Variants in ANO6 observed in about 807,000 individuals in gnomAD.
The protein encoded by ANO6 is anoctamin 6, also known as anoctamin-6.
A neutral mutation model predicts 117.5 loss-of-function variants in ANO6; 106 were observed. The observed-to-expected ratio is 0.90, with a 90% CI of 0.77 to 1.06. The LOEUF (loss-of-function observed/expected upper bound fraction) is 1.06. ANO6 is among the 50% of genes least tolerant of loss of function. ANO6 has a pLI of 0.00. For missense variants in ANO6, 955 were observed against 1,121.1 expected (o/e 0.85, Z 2.12); for synonymous variants, 367 against 385.1 (o/e 0.95, Z 0.55).
At chr12:45,312,650 T>G (rs1939884405) in intron 2 of ANO6, among the ~76,000 whole-genome samples, 4 of 152,100 alleles carry the variant, frequency 2.6e-5, no homozygotes, top group Admixed American at 2.6e-4. Context: ...ATTCCTCAAG[T>G]ATGTCTCTAG....
Position 45,367,674 on chromosome 12 carries a change from TTC to T in ANO6, c.999-8_999-7del, listed in dbSNP as rs768402243. 2 of 1,605,232 alleles carry T rather than the reference TTC, an allele frequency of 1.2e-6. No individual in the cohort carries two copies. The highest frequency in any genetic ancestry group is 1.1e-5 in the South Asian group (1 of 90,538). ...TAAATTTTTTAAAATTAAGTTTTAT[TTC>T]TCTCTTTTTAGCAAAGAAGTTTGTC... On this transcript the variant is annotated splice_polypyrimidine_tract_variant and intron_variant, in intron 8 of 19. Transcript: ENST00000320560.
intron 15 of ANO6, among the ~76,000 whole-genome samples, chr12:45,406,981 A>G (rs1942951272): frequency 6.6e-6 from 1 of 152,194 alleles, no homozygotes; most frequent in Non-Finnish European, 1.5e-5. Flanking sequence ...ATTCCTATGG[A>G]AATTATTTTG....
chr12:45,393,869 C>G (rs754068382), intron 12 of ANO6, among the ~76,000 whole-genome samples: 1 of 152,186 alleles, frequency 6.6e-6, no homozygotes, highest in Non-Finnish European at 1.5e-5. Context: ...AAGGAACAAC[C>G]GGTACCAGCC....
At chr12:45,317,243 G>A (rs900160652) in intron 2 of ANO6, among the ~76,000 whole-genome samples, 3 of 147,340 alleles carry the variant, frequency 2.0e-5, no homozygotes, top group African/African-American at 7.5e-5. Context: ...TTTATATTAG[G>A]TGTATCTCCT....
intron 2 of ANO6, among the ~76,000 whole-genome samples, chr12:45,303,235 T>G (rs1254008022): frequency 6.6e-6 from 1 of 152,238 alleles, no homozygotes; most frequent in African/African-American, 2.4e-5. Context: ...ATGACTTCCC[T>G]ATTATATTCA....
chr12:45,245,515 T>C (rs987588315), intron 1 of ANO6, among the ~76,000 whole-genome samples: 1 of 151,892 alleles, frequency 6.6e-6, no homozygotes. Flanking sequence ...ATGTATTTGC[T>C]TGCCTGAATC....
intron 3 of ANO6, among the ~76,000 whole-genome samples, chr12:45,341,682 T>G (rs572033207): frequency 6.6e-6 from 1 of 152,230 alleles, no homozygotes; most frequent in South Asian, 2.1e-4. Flanking sequence ...GGAGTCTAGG[T>G]GACTCTCATA....
At chr12:45,304,873 G>A (rs1183870531) in intron 2 of ANO6, among the ~76,000 whole-genome samples, 1 of 152,192 alleles carries the variant, frequency 6.6e-6, no homozygotes, top group Non-Finnish European at 1.5e-5. Flanking sequence ...GCTGTATAGT[G>A]TGCATATATC....
rs892607206 is a variant in ANO6, at chr12:45,410,079, C to G, written c.2011+592C>G. 2.0e-5 allele frequency among the ~76,000 whole-genome samples: 3 copies of G among 152,304 alleles called. No individual in the cohort carries two copies. The South Asian group carries it at 6.2e-4, about 32-fold the overall frequency. ...CCATCTTTACCACGAATTCTTAAAG[C>G]ATTCTAATCATGTTGTCTGAGAATG... On this transcript the variant is annotated intron_variant, in intron 16 of 19. Coordinates refer to ENST00000320560, the MANE Select transcript of ANO6 (RefSeq NM_001025356.3).
intron 7 of ANO6, among the ~76,000 whole-genome samples, chr12:45,351,543 CAG>C (rs1941280471): frequency 1.3e-5 from 2 of 152,166 alleles, no homozygotes; most frequent in Non-Finnish European, 2.9e-5. Flanking sequence ...AAGAAAATAA[CAG>C]AGCAATAGGA....
chr12:45,402,061 T>G lies in ANO6; in HGVS notation c.1612+41T>G, dbSNP rs760628898. ...AGCTTAGGTAACTTCTGACATATTTTTAGAACCTGCCAAAAATAGAGACTG... is the reference window on the plus strand; with the variant it reads ...AGCTTAGGTAACTTCTGACATATTTGTAGAACCTGCCAAAAATAGAGACTG... On this transcript the variant is annotated intron_variant, in intron 13 of 19. Transcript: ENST00000320560. 23 of 1,547,122 alleles carry G rather than the reference T, an allele frequency of 1.5e-5. No homozygotes were observed. The South Asian group carries it at 2.6e-4, about 17-fold the overall frequency.
intron 1 of ANO6, among the ~76,000 whole-genome samples, chr12:45,243,254 G>A (rs945763785): frequency 2.0e-5 from 3 of 152,200 alleles, no homozygotes; most frequent in African/African-American, 7.2e-5. Context: ...GGGAGGTTGA[G>A]GCTGCAGTGA....
intron 1 of ANO6, among the ~76,000 whole-genome samples, chr12:45,241,805 C>G (rs1947748397): frequency 6.6e-6 from 1 of 152,194 alleles, no homozygotes. Context: ...TCTAACAGGT[C>G]CCTTAGCTGC....
At chr12:45,250,868 A>G (rs1166175548) in intron 1 of ANO6, among the ~76,000 whole-genome samples, 1 of 151,902 alleles carries the variant, frequency 6.6e-6, no homozygotes, top group Non-Finnish European at 1.5e-5. Context: ...CCGGAACTAC[A>G]GGCATGTGTC....
chr12:45,216,214 G>T lies in ANO6; in HGVS notation c.-108G>T. 7.6e-7 allele frequency: 1 copy of T among 1,321,270 alleles called. No homozygotes were observed. Among genetic ancestry groups the T allele is most frequent in the South Asian group, 1.3e-5 (1 of 78,466 alleles). 81.8% of individuals were successfully genotyped at this position (1,321,270 alleles called of 1,614,324 possible). A position where few individuals can be genotyped will look rare whatever the true frequency, so the allele number is the denominator to read the frequency against. The stretch of plus-strand genomic sequence containing the variant: ...GGCTCAGCGGCCCCTGAGCCCAAGC[G>T]ACACACGCCCCGCGGTCCCCGATCC... On this transcript the variant is annotated 5_prime_UTR_variant, in exon 1 of 20. Transcript: ENST00000320560.
chr12:45,420,415 A>G (rs1386401599), intron 17 of ANO6, among the ~76,000 whole-genome samples: 1 of 147,842 alleles, frequency 6.8e-6, no homozygotes, highest in Non-Finnish European at 1.5e-5. Flanking sequence ...CAGGAGTTCC[A>G]GACTAGGCTA....
At chr12:45,384,472 A>G (rs1003483723) in intron 10 of ANO6, among the ~76,000 whole-genome samples, 7 of 152,180 alleles carry the variant, frequency 4.6e-5, no homozygotes, top group Non-Finnish European at 8.8e-5. Context: ...GTTTTCATTT[A>G]AAGTGAGAGA....
intron 13 of ANO6, 50 bp downstream of exon 13, chr12:45,402,070 G>A (rs1273909508): frequency 2.0e-6 from 3 of 1,477,420 alleles, no homozygotes; most frequent in Non-Finnish European, 1.9e-6. Context: ...TTTAGAACCT[G>A]CCAAAAATAG....
In ANO6 at chr12:45,377,609, AACTT is replaced by A. The variant is rs1342225770; in HGVS notation, c.1105-441_1105-438del. On this transcript the variant is annotated intron_variant, in intron 9 of 19. Coordinates refer to ENST00000320560, the MANE Select transcript of ANO6 (RefSeq NM_001025356.3). ...TTAACAGGAAAAACAGGAATTCTGA[AACTT>A]ACCCTCTGACCAGGGTGGGATGATG... Among the ~76,000 whole-genome samples the A allele has an allele frequency of 2.0e-5, 3 of 152,230 alleles. No individual in the cohort carries two copies. In the East Asian group the frequency reaches 5.8e-4, roughly 29 times the overall value.
Sources: gnomAD v4.1 joint callset for allele counts (sites outside exome capture counted in the v4.1 genomes callset) on GRCh38, gnomAD v4.1.1 for gene constraint, MANE v1.5 for transcripts, NCBI Gene and HGNC (gene_info 2026-07-23, HGNC 2026-07-21) for gene names.